The following DLGAP2 variants were observed in gnomAD, a reference collection of about 807,000 sequenced individuals.
The protein encoded by DLGAP2 is DLG associated protein 2.
In DLGAP2, 26 loss-of-function variants were observed where a neutral mutation model predicts 100.3. The observed-to-expected ratio is 0.26, with a 90% CI of 0.19 to 0.36. DLGAP2 has a LOEUF of 0.36. Ranked by LOEUF, DLGAP2 falls within the 10% of genes least tolerant of loss-of-function variation. The pLI is 1.00. For missense variants in DLGAP2, 1,858 were observed against 1,453.2 expected (o/e 1.28, Z -4.53); for synonymous variants, 886 against 630.1 (o/e 1.41, Z -6.08).
At chr8:1,315,179 C>T (rs1376688309) in intron 3 of DLGAP2, among the ~76,000 whole-genome samples, 1 of 152,140 alleles carries the variant, frequency 6.6e-6, no homozygotes, top group African/African-American at 2.4e-5. Flanking sequence ...TGCGATAATT[C>T]CCAACACTCA....
At chr8:875,640 C>T (rs368117708) in intron 1 of DLGAP2, among the ~76,000 whole-genome samples, 1 of 152,186 alleles carries the variant, frequency 6.6e-6, no homozygotes, top group African/African-American at 2.4e-5. Flanking sequence ...ATTACCCAGT[C>T]GTGAGTATGT....
At chr8:1,032,927 G>C (rs1328433672) in intron 2 of DLGAP2, 1 of 152,194 alleles carries the variant, frequency 6.6e-6, no homozygotes. Context: ...TTGTGTCTTC[G>C]TTTACTCCAT....
intron 3 of DLGAP2, among the ~76,000 whole-genome samples, chr8:1,281,962 C>G (rs112233614): frequency 7.0e-6 from 1 of 142,940 alleles, no homozygotes; most frequent in East Asian, 2.0e-4. Flanking sequence ...CGCAAACCAT[C>G]TGGACATGGT....
chr8:1,460,422 C>T (rs1432430705), intron 3 of DLGAP2, among the ~76,000 whole-genome samples: 2 of 152,162 alleles, frequency 1.3e-5, no homozygotes, highest in African/African-American at 2.4e-5. Flanking sequence ...GATTTCGTGT[C>T]GTCCTCAACA....
Position 1,463,164 on chromosome 8 carries a change from G to A in DLGAP2, c.107-38202G>A, listed in dbSNP as rs371527901. ...CTCGGGAGGCTGAGGCAGGAGAATC[G>A]CTTGAATCCAGGAGATGGAGGCTGC... On this transcript the variant is annotated intron_variant, in intron 3 of 14. Coordinates refer to ENST00000637795, the MANE Select transcript of DLGAP2 (RefSeq NM_001346810.2). 7.2e-5 allele frequency among the ~76,000 whole-genome samples: 11 copies of A among 152,282 alleles called. No individual in the cohort carries two copies. In the East Asian group the frequency reaches 7.8e-4, roughly 11 times the overall value.
intron 2 of DLGAP2, among the ~76,000 whole-genome samples, chr8:1,033,225 C>T (rs1045051843): frequency 2.6e-5 from 4 of 152,012 alleles, no homozygotes; most frequent in Non-Finnish European, 5.9e-5. Flanking sequence ...AAGCAATGGT[C>T]AGAGCTGCTG....
At chr8:1,033,980 G>A (rs868826050) in intron 2 of DLGAP2, among the ~76,000 whole-genome samples, 1 of 138,536 alleles carries the variant, frequency 7.2e-6, no homozygotes, top group African/African-American at 2.8e-5. Context: ...GTCACCGTGA[G>A]TGGACTCACA....
intron 4 of DLGAP2, among the ~76,000 whole-genome samples, chr8:1,532,145 G>C (rs1801007006): frequency 2.0e-5 from 3 of 152,188 alleles, no homozygotes. Flanking sequence ...ACTTTGAATA[G>C]AGTGGGAGGC....
chr8:1,288,246 T>C (rs1412462273), intron 3 of DLGAP2, among the ~76,000 whole-genome samples: 54 of 137,968 alleles, frequency 3.9e-4, no homozygotes, highest in African/African-American at 1.4e-3. Flanking sequence ...TTCGTTTCAG[T>C]GTGTGTGTGT....
intron 3 of DLGAP2, among the ~76,000 whole-genome samples, chr8:1,453,511 T>G (rs1486953955): frequency 6.6e-6 from 1 of 152,140 alleles, no homozygotes. Flanking sequence ...AAAATCATTA[T>G]GTATTCTGAG....
At chr8:1,475,724 C>A (rs1798913466) in intron 3 of DLGAP2, among the ~76,000 whole-genome samples, 1 of 152,168 alleles carries the variant, frequency 6.6e-6, no homozygotes, top group Admixed American at 6.5e-5. Context: ...GTGGCACCTG[C>A]CGGCTTGGGG....
At chr8:1,223,979 A>G (rs1260289905) in intron 2 of DLGAP2, among the ~76,000 whole-genome samples, 2 of 152,232 alleles carry the variant, frequency 1.3e-5, no homozygotes, top group Non-Finnish European at 2.9e-5. Flanking sequence ...TACCTTATTA[A>G]TTTTGACTTC....
intron 2 of DLGAP2, among the ~76,000 whole-genome samples, chr8:1,232,700 C>T (rs558511792): frequency 1.3e-5 from 2 of 152,226 alleles, no homozygotes. Flanking sequence ...CCTCTCAACA[C>T]AAGACAAGGT....
At chr8:809,522 TAC>T (rs1796331949) in intron 1 of DLGAP2, among the ~76,000 whole-genome samples, 1 of 152,144 alleles carries the variant, frequency 6.6e-6, no homozygotes, top group Non-Finnish European at 1.5e-5. Context: ...GCTTCCCATT[TAC>T]ACAGCATGAG....
chr8:1,255,390 G>C (rs1799174254), intron 2 of DLGAP2, among the ~76,000 whole-genome samples: 1 of 128,808 alleles, frequency 7.8e-6, no homozygotes, highest in Non-Finnish European at 1.6e-5. Context: ...CGGGTGCTGT[G>C]TGTGTGTCCT....
In DLGAP2 at chr8:1,221,080, G is replaced by A. The variant is rs1002695735; in HGVS notation, c.74-37771G>A. Among the ~76,000 whole-genome samples the A allele has an allele frequency of 5.9e-5, 9 of 152,126 alleles. No homozygotes were observed. In the East Asian group the frequency reaches 1.7e-3, roughly 29 times the overall value. On this transcript the variant is annotated intron_variant, in intron 2 of 14. Coordinates refer to ENST00000637795, the MANE Select transcript of DLGAP2 (RefSeq NM_001346810.2). ...TTTCCACTCTTTGCCTTTTAACTGG[G>A]GGTGTTTAGCCTGTTTATATTGAAG...
At chr8:1,592,258 G>A (rs1035481973) in intron 6 of DLGAP2, among the ~76,000 whole-genome samples, 4 of 152,124 alleles carry the variant, frequency 2.6e-5, no homozygotes, top group Non-Finnish European at 4.4e-5. Flanking sequence ...CGCCCCCATC[G>A]GCTGTTTCTT....
intron 5 of DLGAP2, among the ~76,000 whole-genome samples, chr8:1,559,795 C>T (rs1474690912): frequency 6.6e-6 from 1 of 152,248 alleles, no homozygotes; most frequent in African/African-American, 2.4e-5. Flanking sequence ...AGGAGAGTGG[C>T]AGCGTGAGCT....
At chr8:985,256 C>G (rs551578472) in intron 2 of DLGAP2, among the ~76,000 whole-genome samples, 2 of 152,340 alleles carry the variant, frequency 1.3e-5, no homozygotes, top group Non-Finnish European at 2.9e-5. Context: ...TCCACACCCA[C>G]TGTCCGTAGA....
Sources: gnomAD v4.1 joint callset for allele counts (sites outside exome capture counted in the v4.1 genomes callset) on GRCh38, gnomAD v4.1.1 for gene constraint, MANE v1.5 for transcripts, NCBI Gene and HGNC (gene_info 2026-07-23, HGNC 2026-07-21) for gene names.